Variants in SERPINA6 observed in about 807,000 individuals in gnomAD.
SERPINA6 encodes the protein corticosteroid-binding globulin.
Under a neutral mutation model 26.4 loss-of-function variants are expected in SERPINA6, and 19 were observed. The ratio of observed to expected loss-of-function variants is 0.72; its 90% CI spans 0.50 to 1.06. The LOEUF (loss-of-function observed/expected upper bound fraction) is 1.06, where lower values mean the gene tolerates loss of function less well. Among genes scored for constraint, SERPINA6 ranks in the 50% least tolerant of loss-of-function variants. SERPINA6 has a pLI of 0.00. For synonymous variants in SERPINA6, 196 were observed against 199.4 expected, an observed-to-expected ratio of 0.98 and a Z score of 0.14; for missense variants, 473 against 504.0, an observed-to-expected ratio of 0.94 and a Z score of 0.59.
chr14:94,315,527 C>A (rs1181882068), intron 1 of SERPINA6, among the ~76,000 whole-genome samples: 1 of 151,994 alleles, frequency 6.6e-6, no homozygotes, highest in Non-Finnish European at 1.5e-5. Flanking sequence ...AAATTATAAA[C>A]AAAGACTAAA....
chr14:94,311,530 G>A (rs1253671060), intron 2 of SERPINA6, among the ~76,000 whole-genome samples: 1 of 152,034 alleles, frequency 6.6e-6, no homozygotes, highest in African/African-American at 2.4e-5. Flanking sequence ...GAGAATTGGT[G>A]GTAGAGAAAG....
rs148218218 is a variant in SERPINA6, at chr14:94,314,542, T to C, written c.107A>G (p.His36Arg). 252 of 1,614,048 alleles carry C rather than the reference T, an allele frequency of 1.6e-4. No homozygotes were observed. The highest frequency in any genetic ancestry group is 1.9e-4 in the Non-Finnish European group (227 of 1,180,028). The part of the protein sequence containing the change: ...NAAYVNMSNH[H>R]RGLASANVDF... ...AACGTTGGCTGAAGCCAGGCCCCGGTGATGGTTACTCATGTTCACATAAGC... is the reference window on the plus strand; with the variant it reads ...AACGTTGGCTGAAGCCAGGCCCCGGCGATGGTTACTCATGTTCACATAAGC... Residue 36 changes from histidine (H) to arginine (R), a missense_variant, in exon 2 of 5, where the codon CAC becomes CGC. Physicochemically the swap from His to Arg is conservative, Grantham distance 29. Coordinates refer to ENST00000341584, the MANE Select transcript of SERPINA6 (RefSeq NM_001756.4).
intron 1 of SERPINA6, among the ~76,000 whole-genome samples, chr14:94,320,511 C>T (rs538527728): frequency 1.3e-5 from 2 of 152,288 alleles, no homozygotes; most frequent in African/African-American, 4.8e-5. Context: ...GCCTACGTTG[C>T]TGGGTGGCAC....
At chr14:94,313,981 G>A in intron 2 of SERPINA6, 55 bp downstream of exon 2, 14 of 1,598,148 alleles carry the variant, frequency 8.8e-6, no homozygotes, top group Non-Finnish European at 1.2e-5. Flanking sequence ...GATTTTAGCG[G>A]CTGTTATTCC....
intron 1 of SERPINA6, among the ~76,000 whole-genome samples, chr14:94,316,444 A>C (rs143735223): frequency 6.6e-6 from 1 of 152,210 alleles, no homozygotes; most frequent in Non-Finnish European, 1.5e-5. Flanking sequence ...TCCATTATTG[A>C]GAATGAGATA....
At chr14:94,305,598 C>T (rs1287805204) in intron 4 of SERPINA6, among the ~76,000 whole-genome samples, 1 of 152,116 alleles carries the variant, frequency 6.6e-6, no homozygotes, top group East Asian at 1.9e-4. Context: ...AGGGCCTACA[C>T]AGTTTGGGAT....
At chr14:94,313,155 T>G (rs1160452663) in intron 2 of SERPINA6, among the ~76,000 whole-genome samples, 2 of 152,018 alleles carry the variant, frequency 1.3e-5, no homozygotes, top group African/African-American at 4.8e-5. Context: ...AGATTTGAAG[T>G]GAGGGAAGAT....
Position 94,314,419 on chromosome 14 carries a change from A to G in SERPINA6, c.230T>C (p.Leu77Pro). ...TGTGTGGCCACAGGTGCCCAGGGAC[A>G]GCATAGCTAAGGCCATGGAGATGCT... is the stretch of plus-strand genomic sequence containing the variant. ...PVSISMALAM[L>P]SLGTCGHTRA... Residue 77 changes from leucine to proline, a missense_variant, in exon 2 of 5, where the codon CTG becomes CCG. Physicochemically the swap from Leu to Pro is moderately conservative, Grantham distance 98. Coordinates refer to ENST00000341584, the MANE Select transcript of SERPINA6 (RefSeq NM_001756.4). 1.2e-6 allele frequency: 2 copies of G among 1,614,244 alleles called. No homozygotes were observed. The highest frequency in any genetic ancestry group is 2.2e-5 in the East Asian group (1 of 44,890).
chr14:94,308,857 A>T (rs537368674), intron 3 of SERPINA6, among the ~76,000 whole-genome samples: 1 of 152,194 alleles, frequency 6.6e-6, no homozygotes, highest in African/African-American at 2.4e-5. Flanking sequence ...TCATCCATTC[A>T]TTTACTCATT....
chr14:94,314,762 C>T (rs1321685068), intron 1 of SERPINA6, 95 bp from the exon 2 acceptor site: 2 of 1,194,440 alleles, frequency 1.7e-6, no homozygotes, highest in African/African-American at 1.5e-5. Flanking sequence ...CCATTCAAGC[C>T]CCAGTTCCTT....
intron 4 of SERPINA6, among the ~76,000 whole-genome samples, chr14:94,305,720 C>T (rs1482752407): frequency 1.3e-5 from 2 of 152,152 alleles, no homozygotes; most frequent in Non-Finnish European, 2.9e-5. Flanking sequence ...AATATGATCC[C>T]AATTAGACAT....
rs370762935 is a variant in SERPINA6, at chr14:94,309,947, C to G, written c.673G>C (p.Glu225Gln). Residue 225 changes from glutamate to glutamine, a missense_variant, in exon 3 of 5, where the codon GAG becomes CAG. By Grantham distance (29) the Glu-to-Gln change is conservative. Coordinates refer to ENST00000341584, the MANE Select transcript of SERPINA6 (RefSeq NM_001756.4). ...STREENFYVD[E>Q]TTVVKVPMML... Reference sequence around the variant, plus strand: ...ATGGGCACCTTCACCACAGTTGTCTCGTCCACATAGAAGTTCTCCTCCCTG... The same window carrying G: ...ATGGGCACCTTCACCACAGTTGTCTGGTCCACATAGAAGTTCTCCTCCCTG... 3.1e-6 allele frequency: 5 copies of G among 1,614,144 alleles called. No homozygotes were observed. Among genetic ancestry groups the G allele is most frequent in the Non-Finnish European group, 3.4e-6 (4 of 1,180,024 alleles).
At chr14:94,309,522 A>G (rs1168311960) in intron 3 of SERPINA6, among the ~76,000 whole-genome samples, 2 of 152,226 alleles carry the variant, frequency 1.3e-5, no homozygotes, top group African/African-American at 2.4e-5. Flanking sequence ...GAAATGCCCC[A>G]AAGTATTTCA....
intron 4 of SERPINA6, 140 bp downstream of exon 4, chr14:94,305,931 A>C (rs1166418532): frequency 5.8e-6 from 5 of 859,832 alleles, no homozygotes; most frequent in Non-Finnish European, 9.4e-6. Context: ...TGGTGAGACA[A>C]GGGGCTTTGA....
At chr14:94,309,551 A>G (rs1005207698) in intron 3 of SERPINA6, among the ~76,000 whole-genome samples, 185 bp downstream of exon 3, 2 of 152,246 alleles carry the variant, frequency 1.3e-5, no homozygotes, top group Non-Finnish European at 2.9e-5. Context: ...GGACAGATCA[A>G]TAAATAAGCG....
chr14:94,306,586 A>C (rs1895444701), intron 3 of SERPINA6, among the ~76,000 whole-genome samples: 1 of 152,226 alleles, frequency 6.6e-6, no homozygotes, highest in Non-Finnish European at 1.5e-5. Flanking sequence ...GACTGGAGGG[A>C]GTGCCCAGCT....
At position 94,309,882 on chromosome 14, in the gene SERPINA6, C is replaced by G. The variant is rs2228542; in HGVS notation, c.738G>C (p.Ser246=). 4.3e-6 allele frequency: 7 copies of G among 1,613,924 alleles called. No individual in the cohort carries two copies. Among genetic ancestry groups the G allele is most frequent in the South Asian group, 1.1e-5 (1 of 91,080 alleles). Residue 246 remains serine, a synonymous_variant, in exon 3 of 5, where the codon TCG becomes TCC. Transcript: ENST00000341584. ...TCTGCACCAGCTGGCAGGGGAGCTC[C>G]GAGTCATGAAGGTAACTGATGGTGC... ...QSSTISYLHD[S]ELPCQLVQMN... is the part of the protein sequence containing the mutation.
chr14:94,304,628 G>A (rs764313708), intron 4 of SERPINA6, 25 bp from the exon 5 acceptor site: 176 of 1,601,090 alleles, frequency 1.1e-4, no homozygotes, highest in Non-Finnish European at 1.4e-4. Flanking sequence ...ATGAAGATGG[G>A]TAGTGAGACC....
chr14:94,318,748 T>C (rs1262469203), intron 1 of SERPINA6, among the ~76,000 whole-genome samples: 1 of 152,184 alleles, frequency 6.6e-6, no homozygotes, highest in Non-Finnish European at 1.5e-5. Context: ...ATGTTGGCTT[T>C]GGCAATGATT....
Sources: allele counts gnomAD v4.1 joint callset (sites outside exome capture counted in the v4.1 genomes callset), GRCh38; gene constraint gnomAD v4.1.1; transcripts MANE v1.5; gene names NCBI Gene and HGNC (gene_info 2026-07-23, HGNC 2026-07-21).